DLGAP2: variants seen among roughly 807,000 people sequenced by gnomAD.
The protein encoded by DLGAP2 is DLG associated protein 2, also known as disks large-associated protein 2.
Under a neutral mutation model 100.3 loss-of-function variants are expected in DLGAP2, and 26 were observed. That is an observed-to-expected ratio of 0.26 (90% CI 0.19 to 0.36). The LOEUF (loss-of-function observed/expected upper bound fraction) is 0.36, where lower values mean the gene tolerates loss of function less well. Ranked by LOEUF, DLGAP2 falls within the 10% of genes least tolerant of loss-of-function variation. The pLI is 1.00. For missense variants in DLGAP2, 1,858 were observed against 1,453.2 expected (o/e 1.28, Z -4.53); for synonymous variants, 886 against 630.1 (o/e 1.41, Z -6.08).
chr8:999,759 G>A (rs1424977256), intron 2 of DLGAP2, among the ~76,000 whole-genome samples: 7 of 152,190 alleles, frequency 4.6e-5, no homozygotes, highest in East Asian at 3.8e-4. Flanking sequence ...GATTATAGGC[G>A]TGAGTCACTG....
At chr8:1,573,004 G>A (rs1802801344) in intron 6 of DLGAP2, among the ~76,000 whole-genome samples, 4 of 100,154 alleles carry the variant, frequency 4.0e-5, no homozygotes, top group African/African-American at 8.0e-5. Context: ...GCGTCTTCTG[G>A]GATGGAGAGG....
intron 1 of DLGAP2, among the ~76,000 whole-genome samples, chr8:810,483 GT>G (rs1796350930): frequency 6.6e-6 from 1 of 152,142 alleles, no homozygotes. Flanking sequence ...ACACAAAGCT[GT>G]TTGCCACCTA....
chr8:1,220,615 T>G (rs1383150522), intron 2 of DLGAP2, among the ~76,000 whole-genome samples: 1 of 152,226 alleles, frequency 6.6e-6, no homozygotes, highest in Non-Finnish European at 1.5e-5. Context: ...ATCTATTAGG[T>G]CTATTTGGTC....
chr8:1,086,116 T>C (rs1182754615), intron 2 of DLGAP2, among the ~76,000 whole-genome samples: 2 of 152,230 alleles, frequency 1.3e-5, no homozygotes, highest in African/African-American at 4.8e-5. Context: ...GTTGATTTTA[T>C]ATCCTGCCAT....
At chr8:1,631,846 G>A (rs1292608502) in intron 7 of DLGAP2, among the ~76,000 whole-genome samples, 2 of 152,208 alleles carry the variant, frequency 1.3e-5, no homozygotes, top group South Asian at 2.1e-4. Context: ...AACCAGTGTC[G>A]TGTTGTGTCA....
At chr8:1,290,259 C>A (rs940494682) in intron 3 of DLGAP2, among the ~76,000 whole-genome samples, 1 of 152,188 alleles carries the variant, frequency 6.6e-6, no homozygotes. Flanking sequence ...GAATCACGTC[C>A]GTCGCGCTCC....
chr8:1,136,367 A>G (rs1010266481), intron 2 of DLGAP2, among the ~76,000 whole-genome samples: 11 of 152,138 alleles, frequency 7.2e-5, no homozygotes, highest in African/African-American at 2.7e-4. Flanking sequence ...CAGCCTGTCC[A>G]CAGCAGATGC....
chr8:1,047,361 G>A (rs1028198416), intron 2 of DLGAP2, among the ~76,000 whole-genome samples: 12 of 152,158 alleles, frequency 7.9e-5, no homozygotes, highest in African/African-American at 2.9e-4. Context: ...TCGGATTTTG[G>A]AATTTTTTTT....
In DLGAP2 at chr8:823,369, GAC is replaced by G. The variant is rs1459608379; in HGVS notation, c.19-84541_19-84540del. Among the ~76,000 whole-genome samples the G allele has an allele frequency of 3.9e-5, 6 of 152,052 alleles. No individual in the cohort carries two copies. The East Asian group carries it at 9.7e-4, about 25-fold the overall frequency. On this transcript the variant is annotated intron_variant, in intron 1 of 14. Coordinates refer to ENST00000637795, the MANE Select transcript of DLGAP2 (RefSeq NM_001346810.2). ...ATCTGCTTTCCCCCTGATCAGAAAA[GAC>G]AGTTCACAGTACGCTTGTCAACTCT...
intron 2 of DLGAP2, among the ~76,000 whole-genome samples, chr8:1,148,617 T>C (rs1563216498): frequency 1.3e-5 from 2 of 152,120 alleles, no homozygotes; most frequent in African/African-American, 2.4e-5. Context: ...CATTTAATAA[T>C]TGAATGAGCT....
intron 2 of DLGAP2, among the ~76,000 whole-genome samples, chr8:1,086,106 G>A (rs1158129461): frequency 6.6e-6 from 1 of 152,076 alleles, no homozygotes; most frequent in East Asian, 1.9e-4. Flanking sequence ...ACTTTGGCAT[G>A]TTGATTTTAT....
At chr8:1,696,562 G>C (rs1799402579) in intron 13 of DLGAP2, among the ~76,000 whole-genome samples, 1 of 152,228 alleles carries the variant, frequency 6.6e-6, no homozygotes, top group East Asian at 1.9e-4. Flanking sequence ...ACTGGGCAGA[G>C]AAACCAAGCA....
At chr8:1,602,538 C>G (rs1796662121) in intron 6 of DLGAP2, among the ~76,000 whole-genome samples, 1 of 152,220 alleles carries the variant, frequency 6.6e-6, no homozygotes, top group Non-Finnish European at 1.5e-5. Flanking sequence ...CCAGGCCACC[C>G]CAGCATCAGG....
At chr8:1,277,167 T>G (rs151287863) in intron 3 of DLGAP2, among the ~76,000 whole-genome samples, 2 of 152,206 alleles carry the variant, frequency 1.3e-5, no homozygotes, top group Admixed American at 1.3e-4. Flanking sequence ...CTCAGAAATA[T>G]AGTGTTTCAT....
chr8:1,214,437 G>A (rs540413875), intron 2 of DLGAP2, among the ~76,000 whole-genome samples: 1 of 152,322 alleles, frequency 6.6e-6, no homozygotes, highest in African/African-American at 2.4e-5. Flanking sequence ...AAGCAGGGCT[G>A]TTTGGTGGTT....
Position 1,673,958 on chromosome 8 carries a change from T to C in DLGAP2, c.2203-2575T>C, listed in dbSNP as rs547726259. 6.7e-4 allele frequency among the ~76,000 whole-genome samples: 102 copies of C among 152,364 alleles called. 1 individual carries two copies. The highest frequency in any genetic ancestry group is 6.8e-3 in the Middle Eastern group (2 of 294). On this transcript the variant is annotated intron_variant, in intron 10 of 14. Coordinates refer to ENST00000637795, the MANE Select transcript of DLGAP2 (RefSeq NM_001346810.2). Reference sequence around the variant, plus strand: ...CCTGTGACTGCGAGTGTCTCTATGCTTGTGCATGCCCCTGGTCATTGTTGT... The same window carrying C: ...CCTGTGACTGCGAGTGTCTCTATGCCTGTGCATGCCCCTGGTCATTGTTGT...
chr8:1,221,210 T>C (rs111997490), intron 2 of DLGAP2, among the ~76,000 whole-genome samples: 1 of 152,216 alleles, frequency 6.6e-6, no homozygotes, highest in Non-Finnish European at 1.5e-5. Context: ...TATGTACTTA[T>C]GTGTGTTTTT....
chr8:774,033 T>C (rs1228987918), intron 1 of DLGAP2, among the ~76,000 whole-genome samples: 2 of 152,236 alleles, frequency 1.3e-5, no homozygotes, highest in Admixed American at 6.5e-5. Context: ...TTTTAATGAT[T>C]GCCATTCTAA....
intron 3 of DLGAP2, among the ~76,000 whole-genome samples, chr8:1,290,430 C>G (rs1174011660): frequency 6.6e-6 from 1 of 152,214 alleles, no homozygotes; most frequent in East Asian, 1.9e-4. Flanking sequence ...TCCTGCCATT[C>G]CACGAGACTG....
Sources: gnomAD v4.1 joint callset for allele counts (sites outside exome capture counted in the v4.1 genomes callset) on GRCh38, gnomAD v4.1.1 for gene constraint, MANE v1.5 for transcripts, NCBI Gene and HGNC (gene_info 2026-07-23, HGNC 2026-07-21) for gene names.